The following KIAA1210 variants were observed in gnomAD, a reference collection of about 807,000 sequenced individuals.
The protein encoded by KIAA1210 is KIAA1210, also known as acrosomal protein KIAA1210.
Under a neutral mutation model 78.9 loss-of-function variants are expected in KIAA1210, and 48 were observed. The observed-to-expected ratio is 0.61, with a 90% CI of 0.48 to 0.77. The LOEUF is 0.77. KIAA1210 is among the 30% of genes least tolerant of loss of function. The pLI, the probability that KIAA1210 is intolerant of heterozygous loss-of-function variation, is 0.00. For missense variants in KIAA1210, 1,108 were observed against 1,100.0 expected (o/e 1.01, Z -0.10); for synonymous variants, 406 against 404.5 (o/e 1.00, Z -0.04).
chrX:119,089,201 A>G lies in KIAA1210; in HGVS notation c.1501T>C (p.Ser501Pro). The G allele has an allele frequency of 3.3e-6, 4 of 1,211,083 alleles. No homozygotes were observed. The highest frequency in any genetic ancestry group is 4.5e-6 in the Non-Finnish European group (4 of 895,182). Residue 501 changes from serine to proline, a missense_variant, in exon 9 of 12, where the codon TCT becomes CCT. Transcript: ENST00000691062. The stretch of plus-strand genomic sequence containing the variant: ...AGAATGGCCTCCTCTTGGGTTGTAG[A>G]AAGGCTTTCCACCATCAGTGAGAGA... ...ASLSLMVESL[S>P]TTQEEAILSV...
intron 3 of KIAA1210, among the ~76,000 whole-genome samples, chrX:119,115,448 G>A (rs1928227490): frequency 1.8e-5 from 2 of 111,610 alleles, no homozygotes; most frequent in Non-Finnish European, 3.8e-5. Context: ...TACTACATAA[G>A]CCCCTCTTTC....
intron 2 of KIAA1210, among the ~76,000 whole-genome samples, chrX:119,144,993 G>T (rs1929133672): frequency 8.9e-6 from 1 of 111,768 alleles, no homozygotes; most frequent in African/African-American, 3.3e-5. Flanking sequence ...ACATGTGGTT[G>T]TTTAATTTTA....
chrX:119,115,643 C>T (rs1171232310), intron 3 of KIAA1210, among the ~76,000 whole-genome samples: 2 of 112,081 alleles, frequency 1.8e-5, no homozygotes, highest in Non-Finnish European at 3.8e-5. Flanking sequence ...CAAGGCTTTG[C>T]CTGGTTGGAG....
At chrX:119,093,810 G>GA in intron 7 of KIAA1210, 35 bp from the exon 8 acceptor site, 5 of 1,127,464 alleles carry the variant, frequency 4.4e-6, no homozygotes, top group Non-Finnish European at 6.0e-6. Context: ...GAATCCTACT[G>GA]AAGTGCTTTC....
chrX:119,099,220 A>G (rs928842459), intron 6 of KIAA1210, among the ~76,000 whole-genome samples: 11 of 112,972 alleles, frequency 9.7e-5, no homozygotes, highest in African/African-American at 3.5e-4. Flanking sequence ...TGGTATAAAC[A>G]CTAAAGATAC....
intron 2 of KIAA1210, 95 bp downstream of exon 2, chrX:119,123,487 T>G (rs1928527606): frequency 1.6e-6 from 1 of 624,617 alleles, no homozygotes; most frequent in Non-Finnish European, 2.5e-6. Context: ...TGATCTGAAC[T>G]TGTTTTCTTG....
intron 2 of KIAA1210, among the ~76,000 whole-genome samples, chrX:119,146,135 TAA>T (rs1929161397): frequency 8.9e-6 from 1 of 112,183 alleles, no homozygotes; most frequent in Non-Finnish European, 1.9e-5. Flanking sequence ...CTAAAAATGC[TAA>T]AGTTGACACA....
chrX:119,081,036 G>T lies in KIAA1210; in HGVS notation c.*293C>A. On this transcript the variant is annotated 3_prime_UTR_variant, in exon 12 of 12. Transcript: ENST00000691062. Reference sequence around the variant, plus strand: ...TCCCAGCTTTTGGGAGGCTGAGGCGGGCGGATCACGAGGTCAGGAGATCAA... The same window carrying T: ...TCCCAGCTTTTGGGAGGCTGAGGCGTGCGGATCACGAGGTCAGGAGATCAA... The T allele has an allele frequency of 6.0e-6, 1 of 166,674 alleles. No homozygotes were observed. The highest frequency in any genetic ancestry group is 2.9e-4 in the South Asian group (1 of 3,452). The allele number at this position is 166,674 out of a possible 1,213,427, so 13.7% of individuals were successfully genotyped here.
intron 6 of KIAA1210, among the ~76,000 whole-genome samples, chrX:119,098,687 A>G (rs146432571): frequency 0.018 from 1,966 of 109,305 alleles, 45 homozygotes; most frequent in African/African-American, 0.061. Flanking sequence ...GCCACTTCAT[A>G]TCCCCTTCCT....
intron 8 of KIAA1210, among the ~76,000 whole-genome samples, chrX:119,092,826 G>A (rs1038313945): frequency 9.1e-6 from 1 of 109,400 alleles, no homozygotes; most frequent in African/African-American, 3.3e-5. Context: ...AAAGACAAAA[G>A]AGTACTCATT....
At position 119,079,623 on chromosome X, in the gene KIAA1210, G is replaced by T. The variant is rs7062626; in HGVS notation, c.*1706C>A. On this transcript the variant is annotated 3_prime_UTR_variant, in exon 12 of 12. Coordinates refer to ENST00000691062, the MANE Select transcript of KIAA1210 (RefSeq NM_001394962.1). The stretch of plus-strand genomic sequence containing the variant: ...GGCTGTGCTACAAAAGAAAAAGACC[G>T]TGTGGCAAGATGGGAAGGGAGGCAT... 5 of 111,613 alleles carry T rather than the reference G, an allele frequency of 4.5e-5. No homozygotes were observed. In the East Asian group the frequency reaches 1.4e-3, roughly 32 times the overall value. 9.2% of individuals were successfully genotyped at this position (111,613 alleles called of 1,213,427 possible). A position where few individuals can be genotyped will look rare whatever the true frequency, so the allele number is the denominator to read the frequency against.
intron 8 of KIAA1210, among the ~76,000 whole-genome samples, chrX:119,093,462 T>C (rs896640526): frequency 8.9e-6 from 1 of 112,120 alleles, no homozygotes; most frequent in Admixed American, 9.4e-5. Flanking sequence ...ATCCTTTACC[T>C]GAACCCCACA....
chrX:119,124,888 C>CA (rs372888063), intron 1 of KIAA1210, among the ~76,000 whole-genome samples: 2,033 of 70,302 alleles, frequency 0.029, 42 homozygotes, highest in Middle Eastern at 0.059. Flanking sequence ...GACCCTGTCT[C>CA]AAAAAAAAAA....
Position 119,104,280 on chromosome X carries a change from C to T in KIAA1210, c.648+712G>A, listed in dbSNP as rs749625060. ...CACCTACTACCAGTCTGTGCTTTAACTTTGGTTTTAACCTAATTTCTTTGT... is the reference window on the plus strand; with the variant it reads ...CACCTACTACCAGTCTGTGCTTTAATTTTGGTTTTAACCTAATTTCTTTGT... On this transcript the variant is annotated intron_variant, in intron 6 of 11. Coordinates refer to ENST00000691062, the MANE Select transcript of KIAA1210 (RefSeq NM_001394962.1). 4.5e-5 allele frequency among the ~76,000 whole-genome samples: 5 copies of T among 112,273 alleles called. No individual in the cohort carries two copies. In the East Asian group the frequency reaches 1.4e-3, roughly 31 times the overall value.
intron 2 of KIAA1210, among the ~76,000 whole-genome samples, chrX:119,122,061 A>ATTT (rs781688572): frequency 0.13 from 7,526 of 56,234 alleles, 884 homozygotes; most frequent in Middle Eastern, 0.18. Flanking sequence ...CGCGCCCGGC[A>ATTT]TTTTTTTTTT....
At chrX:119,086,294 G>C (rs777610603) in intron 9 of KIAA1210, among the ~76,000 whole-genome samples, 10 of 111,419 alleles carry the variant, frequency 9.0e-5, no homozygotes, top group Admixed American at 2.9e-4. Flanking sequence ...AAATGGTCAT[G>C]TGTCTACTAT....
intron 11 of KIAA1210, among the ~76,000 whole-genome samples, chrX:119,081,931 GA>G (rs761150721): frequency 1.4e-3 from 154 of 112,472 alleles, no homozygotes; most frequent in African/African-American, 4.6e-3. Context: ...GAAATGAATT[GA>G]TTGATGACTT....
chrX:119,138,344 G>A (rs749927641), intron 2 of KIAA1210, among the ~76,000 whole-genome samples: 7 of 103,934 alleles, frequency 6.7e-5, no homozygotes, highest in Non-Finnish European at 1.4e-4. Flanking sequence ...TCAGCTTCCC[G>A]AGTAGCTGGG....
At chrX:119,143,022 A>G (rs1929086377) in intron 2 of KIAA1210, among the ~76,000 whole-genome samples, 2 of 111,533 alleles carry the variant, frequency 1.8e-5, no homozygotes, top group South Asian at 7.7e-4. Flanking sequence ...TATCACTCAT[A>G]TAAAGCTCTT....
Sources: allele counts gnomAD v4.1 joint callset (sites outside exome capture counted in the v4.1 genomes callset), GRCh38; gene constraint gnomAD v4.1.1; transcripts MANE v1.5; gene names NCBI Gene and HGNC (gene_info 2026-07-23, HGNC 2026-07-21).